PACS1: variants seen among roughly 807,000 people sequenced by gnomAD.
PACS1 encodes the protein phosphofurin acidic cluster sorting protein 1.
PACS1 carries 24 observed loss-of-function variants against 115.0 expected under a neutral mutation model. The observed-to-expected ratio is 0.21, with a 90% CI of 0.15 to 0.29. The LOEUF (loss-of-function observed/expected upper bound fraction) is 0.29, where lower values mean the gene tolerates loss of function less well. Among genes scored for constraint, PACS1 ranks in the 10% least tolerant of loss-of-function variants. The probability of loss-of-function intolerance (pLI) is 1.00; values close to 1 mark genes in which losing one functional copy is unlikely to be tolerated. For missense variants in PACS1, 838 were observed against 1,251.2 expected, an observed-to-expected ratio of 0.67 and a Z score of 4.98; for synonymous variants, 453 against 504.5, an observed-to-expected ratio of 0.90 and a Z score of 1.37.
Position 66,134,934 on chromosome 11 carries a change from A to C in PACS1, c.357-58552A>C, listed in dbSNP as rs1350491099. Among the ~76,000 whole-genome samples the C allele has an allele frequency of 2.6e-5, 4 of 152,090 alleles. No homozygotes were observed. The East Asian group carries it at 7.7e-4, about 29-fold the overall frequency. On this transcript the variant is annotated intron_variant, in intron 1 of 23. Transcript: ENST00000320580. Reference sequence around the variant, plus strand: ...CCTCAAAAATATCTTATTTCAGCCAAGTGCAGTGGCTCACGCCTGTAATCC... The same window carrying C: ...CCTCAAAAATATCTTATTTCAGCCACGTGCAGTGGCTCACGCCTGTAATCC...
chr11:66,077,430 G>A (rs1471206960), intron 1 of PACS1, among the ~76,000 whole-genome samples: 2 of 152,040 alleles, frequency 1.3e-5, no homozygotes, highest in Admixed American at 6.6e-5. Flanking sequence ...GTGTGGTGGC[G>A]TGCGCCTGTG....
At chr11:66,104,403 T>G (rs2134534613) in intron 1 of PACS1, among the ~76,000 whole-genome samples, 1 of 152,332 alleles carries the variant, frequency 6.6e-6, no homozygotes, top group South Asian at 2.1e-4. Flanking sequence ...AACCATGGTT[T>G]GTAGCCCAAA....
intron 1 of PACS1, chr11:66,084,312 G>A (rs1857532570): frequency 6.6e-6 from 1 of 152,374 alleles, no homozygotes; most frequent in African/African-American, 2.4e-5. Context: ...CATCCAGGAG[G>A]CCAGTTTGGC....
In PACS1 at chr11:66,242,901, T is replaced by C; in HGVS notation, c.2657-11T>C. 1 of 1,613,850 alleles carries C rather than the reference T, an allele frequency of 6.2e-7. No homozygotes were observed. Among genetic ancestry groups the C allele is most frequent in the Non-Finnish European group, 8.5e-7 (1 of 1,179,876 alleles). Reference sequence around the variant, plus strand: ...GGGGCTGGGACACAGGTGGCCTTGCTTGCTTTCCAGTTCCCACCATCTTCC... The same window carrying C: ...GGGGCTGGGACACAGGTGGCCTTGCCTGCTTTCCAGTTCCCACCATCTTCC... On this transcript the variant is annotated splice_polypyrimidine_tract_variant and intron_variant, in intron 22 of 23. Transcript: ENST00000320580.
At chr11:66,163,071 G>A (rs192395874) in intron 1 of PACS1, among the ~76,000 whole-genome samples, 14 of 152,158 alleles carry the variant, frequency 9.2e-5, no homozygotes, top group African/African-American at 2.7e-4. Flanking sequence ...ACTGGTGGCC[G>A]GGTGTGGTGG....
At chr11:66,181,395 G>A (rs1196044487) in intron 1 of PACS1, among the ~76,000 whole-genome samples, 14 of 151,372 alleles carry the variant, frequency 9.2e-5, no homozygotes, top group Admixed American at 8.6e-4. Flanking sequence ...TTTATTTTCA[G>A]TAGAGACGGG....
Position 66,241,410 on chromosome 11 carries a change from T to C in PACS1, c.2430-17T>C. ...TGAAGGCAGAGCTGACCTCTCCTCT[T>C]TGTTCCCTTTCCTCAGGAGCCCTAA... On this transcript the variant is annotated splice_polypyrimidine_tract_variant and intron_variant, in intron 21 of 23. Transcript: ENST00000320580. 1 of 1,559,220 alleles carries C rather than the reference T, an allele frequency of 6.4e-7. No homozygotes were observed. The highest frequency in any genetic ancestry group is 8.7e-7 in the Non-Finnish European group (1 of 1,148,612).
intron 1 of PACS1, among the ~76,000 whole-genome samples, chr11:66,107,943 A>G (rs1238243685): frequency 6.6e-6 from 1 of 152,076 alleles, no homozygotes; most frequent in African/African-American, 2.4e-5. Flanking sequence ...GCTTCATAGG[A>G]CTAGTCCTGA....
intron 1 of PACS1, among the ~76,000 whole-genome samples, chr11:66,161,402 G>A (rs997590307): frequency 4.0e-5 from 6 of 151,010 alleles, no homozygotes; most frequent in African/African-American, 1.2e-4. Context: ...TCAGTGAGCC[G>A]AGATCACACT....
intron 1 of PACS1, among the ~76,000 whole-genome samples, chr11:66,159,522 T>G (rs572871281): frequency 9.2e-5 from 14 of 152,204 alleles, no homozygotes; most frequent in African/African-American, 3.1e-4. Context: ...CATAGGGGTG[T>G]GCCAGTTACA....
intron 1 of PACS1, among the ~76,000 whole-genome samples, chr11:66,162,170 G>A (rs1193652947): frequency 7.6e-6 from 1 of 131,206 alleles, no homozygotes; most frequent in African/African-American, 2.9e-5. Flanking sequence ...CGCCCAAGCT[G>A]GCATGCAGTG....
At chr11:66,165,608 C>T (rs1859583173) in intron 1 of PACS1, among the ~76,000 whole-genome samples, 1 of 152,126 alleles carries the variant, frequency 6.6e-6, no homozygotes, top group African/African-American at 2.4e-5. Context: ...AAACTTCTCC[C>T]AGTCTCCTTT....
At chr11:66,128,552 T>C (rs187364720) in intron 1 of PACS1, among the ~76,000 whole-genome samples, 547 of 152,272 alleles carry the variant, frequency 3.6e-3, no homozygotes, top group Non-Finnish European at 6.0e-3. Flanking sequence ...CTACTGTGTA[T>C]ATGTTTGAAA....
At chr11:66,098,337 T>C (rs1199423735) in intron 1 of PACS1, among the ~76,000 whole-genome samples, 3 of 152,204 alleles carry the variant, frequency 2.0e-5, no homozygotes, top group Non-Finnish European at 4.4e-5. Flanking sequence ...GTGTATCTGA[T>C]AGAGTTTTCT....
intron 1 of PACS1, among the ~76,000 whole-genome samples, chr11:66,156,654 A>G (rs565516508): frequency 6.6e-6 from 1 of 152,102 alleles, no homozygotes; most frequent in South Asian, 2.1e-4. Context: ...GGAGATCGAG[A>G]CCATCCTGGC....
Position 66,230,862 on chromosome 11 carries a change from G to A in PACS1, c.1548G>A (p.Arg516=). The change falls in exon 13 of 24, where the codon CGG becomes CGA. Residue 516 remains arginine (R), a synonymous_variant. Transcript: ENST00000320580. ...AGAGGAGCACGCCCCTGAAGGAGCG[G>A]CAGCTCTCCAAGCCCCTAAGTGAGA... The part of the protein sequence containing the change: ...RQKRSTPLKE[R]QLSKPLSERT... 6.2e-7 allele frequency: 1 copy of A among 1,614,140 alleles called. No homozygotes were observed. Among genetic ancestry groups the A allele is most frequent in the Non-Finnish European group, 8.5e-7 (1 of 1,179,976 alleles).
intron 1 of PACS1, chr11:66,084,260 C>A (rs1195466733): frequency 1.3e-5 from 2 of 152,244 alleles, no homozygotes; most frequent in African/African-American, 4.8e-5. Context: ...TGGGATGAGG[C>A]CCCCCAGTAG....
At chr11:66,141,391 C>T (rs1166540151) in intron 1 of PACS1, among the ~76,000 whole-genome samples, 1 of 152,044 alleles carries the variant, frequency 6.6e-6, no homozygotes, top group African/African-American at 2.4e-5. Flanking sequence ...CTGTTGCTTA[C>T]CCCTGTAATC....
chr11:66,135,372 A>G (rs972595600), intron 1 of PACS1, among the ~76,000 whole-genome samples: 4 of 152,206 alleles, frequency 2.6e-5, no homozygotes, highest in African/African-American at 9.6e-5. Context: ...CATGGTTGCC[A>G]TCTTCACGAG....
Sources: gnomAD v4.1 joint callset for allele counts (sites outside exome capture counted in the v4.1 genomes callset) on GRCh38, gnomAD v4.1.1 for gene constraint, MANE v1.5 for transcripts, NCBI Gene and HGNC (gene_info 2026-07-23, HGNC 2026-07-21) for gene names.